RARB: variants seen among roughly 807,000 people sequenced by gnomAD.
RARB encodes retinoic acid receptor beta, also known as HBV-activated protein.
In RARB, 17 loss-of-function variants were observed where a neutral mutation model predicts 51.9. The ratio of observed to expected loss-of-function variants is 0.33; its 90% CI spans 0.22 to 0.49. The LOEUF is 0.49. RARB is among the 20% of genes least tolerant of loss of function. The probability of loss-of-function intolerance (pLI) is 0.99; values close to 1 mark genes in which losing one functional copy is unlikely to be tolerated. For synonymous variants in RARB, 215 were observed against 195.4 expected (o/e 1.10, Z -0.84); for missense variants, 369 against 550.8 (o/e 0.67, Z 3.30).
At chr3:25,353,127 C>T (rs1705626709) in intron 5 of RARB, among the ~76,000 whole-genome samples, 2 of 152,160 alleles carry the variant, frequency 1.3e-5, no homozygotes, top group South Asian at 4.1e-4. Flanking sequence ...CACACAGCTG[C>T]CTTTACTTTA....
At chr3:25,413,019 T>TG (rs1321973127) in intron 5 of RARB, among the ~76,000 whole-genome samples, 1 of 150,478 alleles carries the variant, frequency 6.6e-6, no homozygotes, top group Non-Finnish European at 1.5e-5. Flanking sequence ...AATTCCATCT[T>TG]GGGGGAAAAA....
chr3:25,256,152 G>A (rs1702858614), intron 5 of RARB, among the ~76,000 whole-genome samples: 2 of 152,116 alleles, frequency 1.3e-5, no homozygotes, highest in African/African-American at 4.8e-5. Context: ...TGCTGCTGCT[G>A]TTGTTCAAAA....
intron 2 of RARB, among the ~76,000 whole-genome samples, chr3:24,897,635 G>T (rs531145577): frequency 5.9e-5 from 9 of 152,190 alleles, no homozygotes; most frequent in African/African-American, 1.9e-4. Context: ...ACTTTACGTG[G>T]TGGTTATTCT....
At chr3:24,862,117 C>A (rs554679344) in intron 2 of RARB, among the ~76,000 whole-genome samples, 1 of 152,174 alleles carries the variant, frequency 6.6e-6, no homozygotes, top group East Asian at 1.9e-4. Context: ...CACTGCTCTT[C>A]ACAACTTTAC....
At chr3:25,460,814 G>T (rs1695141832) in intron 1 of RARB, among the ~76,000 whole-genome samples, 1 of 152,192 alleles carries the variant, frequency 6.6e-6, no homozygotes, top group Non-Finnish European at 1.5e-5. Flanking sequence ...AGCTACTGGG[G>T]TTTGTAGTAT....
intron 5 of RARB, among the ~76,000 whole-genome samples, chr3:25,184,613 A>C (rs948634157): frequency 6.6e-6 from 1 of 152,104 alleles, no homozygotes; most frequent in African/African-American, 2.4e-5. Flanking sequence ...ACAGATTTTT[A>C]ACCTCTGTGT....
intron 4 of RARB, among the ~76,000 whole-genome samples, chr3:25,153,493 G>A (rs1401109489): frequency 6.6e-6 from 1 of 152,158 alleles, no homozygotes; most frequent in East Asian, 1.9e-4. Context: ...GGACAGATCA[G>A]ATACTGACAA....
intron 5 of RARB, among the ~76,000 whole-genome samples, chr3:25,176,321 C>G (rs1220168703): frequency 2.5e-5 from 1 of 40,112 alleles, no homozygotes; most frequent in South Asian, 1.4e-3. Flanking sequence ...TTCTTTCTTT[C>G]TTTCTTTCTT....
intron 5 of RARB, among the ~76,000 whole-genome samples, chr3:25,581,377 A>T (rs1701168463): frequency 6.6e-6 from 1 of 152,120 alleles, no homozygotes; most frequent in South Asian, 2.1e-4. Context: ...CCCTGCGTAC[A>T]TACGTCTAAT....
At chr3:25,010,010 A>G (rs1697359709) in intron 2 of RARB, among the ~76,000 whole-genome samples, 1 of 152,128 alleles carries the variant, frequency 6.6e-6, no homozygotes, top group African/African-American at 2.4e-5. Flanking sequence ...ACCTTCTGCC[A>G]GTCCCAAATG....
At chr3:25,099,610 G>T in intron 3 of RARB, among the ~76,000 whole-genome samples, 1 of 68,072 alleles carries the variant, frequency 1.5e-5, no homozygotes, top group African/African-American at 7.7e-5. Flanking sequence ...AGTATTTTCA[G>T]GATTTAAAAA....
At chr3:25,365,962 A>G (rs147875555) in intron 5 of RARB, among the ~76,000 whole-genome samples, 84 of 152,352 alleles carry the variant, frequency 5.5e-4, no homozygotes, top group African/African-American at 1.9e-3. Flanking sequence ...ACAGCTCTCT[A>G]TAGGAAGTCT....
intron 3 of RARB, among the ~76,000 whole-genome samples, chr3:25,519,595 T>A (rs940902345): frequency 2.0e-5 from 3 of 152,178 alleles, no homozygotes; most frequent in African/African-American, 7.2e-5. Flanking sequence ...CACAGTTTGA[T>A]CTCATATTTG....
intron 2 of RARB, among the ~76,000 whole-genome samples, chr3:24,983,503 T>G (rs951141725): frequency 3.9e-5 from 6 of 152,110 alleles, no homozygotes; most frequent in Non-Finnish European, 7.3e-5. Flanking sequence ...CTACATGCAT[T>G]AGTATTTGTC....
At chr3:25,300,412 T>TG (rs1257099520) in intron 5 of RARB, among the ~76,000 whole-genome samples, 1 of 152,228 alleles carries the variant, frequency 6.6e-6, no homozygotes, top group Admixed American at 6.5e-5. Context: ...ATCTAGTCTC[T>TG]GAATCATTAA....
chr3:24,908,663 GTTTTTTTTTT>G (rs59008287), intron 2 of RARB, among the ~76,000 whole-genome samples: 1 of 93,462 alleles, frequency 1.1e-5, no homozygotes, highest in Non-Finnish European at 2.0e-5. Context: ...AACCACAACT[GTTTTTTTTTT>G]TTTTTTTTTT....
At chr3:25,421,143 G>A (rs1707847217) in intron 5 of RARB, among the ~76,000 whole-genome samples, 1 of 151,842 alleles carries the variant, frequency 6.6e-6, no homozygotes, top group Non-Finnish European at 1.5e-5. Flanking sequence ...TTCCTTTATA[G>A]TATATATAAA....
At chr3:25,077,668 C>A (rs1321180208) in intron 3 of RARB, among the ~76,000 whole-genome samples, 5 of 151,990 alleles carry the variant, frequency 3.3e-5, no homozygotes, top group African/African-American at 7.2e-5. Context: ...TTTGTAGATA[C>A]ATACTTTCAT....
At chr3:25,223,488 A>AT (rs1164096308) in intron 5 of RARB, among the ~76,000 whole-genome samples, 2 of 152,128 alleles carry the variant, frequency 1.3e-5, no homozygotes, top group African/African-American at 4.8e-5. Flanking sequence ...ATTCCAATAT[A>AT]TTTTTTTAAT....
Sources: allele counts gnomAD v4.1 joint callset (sites outside exome capture counted in the v4.1 genomes callset), GRCh38; gene constraint gnomAD v4.1.1; transcripts MANE v1.5; gene names NCBI Gene and HGNC (gene_info 2026-07-23, HGNC 2026-07-21).